Variants in CDH12 observed in about 807,000 individuals in gnomAD.
The protein encoded by CDH12 is cadherin-12.
CDH12 carries 41 observed loss-of-function variants against 74.1 expected under a neutral mutation model. That is an observed-to-expected ratio of 0.55 (90% CI 0.43 to 0.72). CDH12 has a LOEUF of 0.72. Ranked by LOEUF, CDH12 falls within the 30% of genes least tolerant of loss-of-function variation. The pLI is 0.00. For synonymous variants in CDH12, 399 were observed against 355.0 expected, an observed-to-expected ratio of 1.12 and a Z score of -1.39; for missense variants, 945 against 977.2, an observed-to-expected ratio of 0.97 and a Z score of 0.44.
intron 6 of CDH12, among the ~76,000 whole-genome samples, chr5:21,932,667 A>C (rs965002304): frequency 5.3e-5 from 8 of 151,992 alleles, no homozygotes; most frequent in Admixed American, 3.3e-4. Context: ...TTCGGAGGCC[A>C]AGGCAGGTGG....
intron 5 of CDH12, among the ~76,000 whole-genome samples, chr5:22,052,124 C>A (rs115861689): frequency 0.021 from 3,146 of 152,182 alleles, 96 homozygotes; most frequent in African/African-American, 0.071. Context: ...AGAGAGGAAA[C>A]AATGTGTGAA....
chr5:22,387,715 T>C (rs913184586), intron 3 of CDH12, among the ~76,000 whole-genome samples: 4 of 152,084 alleles, frequency 2.6e-5, no homozygotes, highest in African/African-American at 9.7e-5. Context: ...ATGGGAGAGA[T>C]GAGGATAGGA....
At chr5:21,942,966 G>T (rs184727465) in intron 6 of CDH12, among the ~76,000 whole-genome samples, 1 of 152,278 alleles carries the variant, frequency 6.6e-6, no homozygotes, top group East Asian at 1.9e-4. Flanking sequence ...GAGGGGCCTG[G>T]TGGGAGGTGA....
chr5:22,512,943 A>G (rs749258382), intron 1 of CDH12, among the ~76,000 whole-genome samples: 3 of 152,080 alleles, frequency 2.0e-5, no homozygotes, highest in Non-Finnish European at 2.9e-5. Flanking sequence ...GGTGCCGGTA[A>G]CCCAGGAGGG....
At chr5:22,796,968 CAA>C (rs1435240114) in intron 1 of CDH12, among the ~76,000 whole-genome samples, 1 of 151,954 alleles carries the variant, frequency 6.6e-6, no homozygotes, top group Non-Finnish European at 1.5e-5. Flanking sequence ...CAACACATTG[CAA>C]AGAGTTAATA....
chr5:22,322,840 C>T (rs529463906), intron 3 of CDH12, among the ~76,000 whole-genome samples: 4 of 152,264 alleles, frequency 2.6e-5, no homozygotes, highest in African/African-American at 9.6e-5. Flanking sequence ...CCTTGTACAA[C>T]TGCAAACTCA....
intron 2 of CDH12, among the ~76,000 whole-genome samples, chr5:22,438,170 T>C (rs1744482966): frequency 6.6e-6 from 1 of 152,060 alleles, no homozygotes; most frequent in Admixed American, 6.6e-5. Flanking sequence ...TCCAGAAACA[T>C]GAGGCCTGGT....
At chr5:22,700,225 C>T (rs547887034) in intron 1 of CDH12, among the ~76,000 whole-genome samples, 27 of 152,060 alleles carry the variant, frequency 1.8e-4, no homozygotes, top group Non-Finnish European at 3.7e-4. Context: ...TAAAACTCTC[C>T]AAGAGATACC....
At chr5:21,890,723 ACATGTTAGGAT>A (rs1752858942) in intron 6 of CDH12, among the ~76,000 whole-genome samples, 1 of 152,162 alleles carries the variant, frequency 6.6e-6, no homozygotes, top group East Asian at 1.9e-4. Flanking sequence ...TAAAGGACAA[ACATGTTAGGAT>A]TCTCTATATA....
chr5:22,529,453 G>GA (rs1358829532), intron 1 of CDH12, among the ~76,000 whole-genome samples: 2 of 151,404 alleles, frequency 1.3e-5, no homozygotes, highest in Non-Finnish European at 2.9e-5. Flanking sequence ...CCATTGGCAG[G>GA]AAAAAAAACA....
intron 4 of CDH12, among the ~76,000 whole-genome samples, chr5:22,146,341 A>G (rs1419966055): frequency 1.3e-5 from 2 of 152,084 alleles, no homozygotes; most frequent in Non-Finnish European, 2.9e-5. Context: ...GGTCATGAAA[A>G]CATTTTTGTT....
intron 1 of CDH12, among the ~76,000 whole-genome samples, chr5:22,655,442 T>A (rs1205063128): frequency 6.6e-6 from 1 of 152,244 alleles, no homozygotes; most frequent in African/African-American, 2.4e-5. Context: ...ATTTAATACA[T>A]GATTACTTCA....
intron 4 of CDH12, among the ~76,000 whole-genome samples, chr5:22,121,979 A>G (rs6414914): frequency 0.99 from 151,035 of 152,158 alleles, 74,973 homozygotes; most frequent in South Asian, 1. Flanking sequence ...CACTTTGACC[A>G]CCACAGATCC....
intron 3 of CDH12, among the ~76,000 whole-genome samples, chr5:22,245,669 A>C (rs999033278): frequency 3.3e-5 from 5 of 151,842 alleles, no homozygotes; most frequent in Non-Finnish European, 4.4e-5. Context: ...TACATATATC[A>C]TATATATTTA....
intron 3 of CDH12, among the ~76,000 whole-genome samples, chr5:22,249,509 T>C (rs1753065900): frequency 6.6e-6 from 1 of 152,200 alleles, no homozygotes; most frequent in Non-Finnish European, 1.5e-5. Context: ...GAAGAACATT[T>C]TGACACATCA....
intron 6 of CDH12, among the ~76,000 whole-genome samples, chr5:21,915,309 T>C (rs541163951): frequency 2.2e-3 from 333 of 152,154 alleles, no homozygotes; most frequent in Non-Finnish European, 3.5e-3. Flanking sequence ...GGTTTTTTAG[T>C]AGTATGTAGA....
chr5:21,910,970 T>C (rs1190273608), intron 6 of CDH12, among the ~76,000 whole-genome samples: 2 of 152,212 alleles, frequency 1.3e-5, no homozygotes, highest in Non-Finnish European at 2.9e-5. Flanking sequence ...TCTCTAGTGA[T>C]GTTTTTAAAG....
At chr5:21,814,284 A>T (rs1747923198) in intron 9 of CDH12, among the ~76,000 whole-genome samples, 1 of 152,008 alleles carries the variant, frequency 6.6e-6, no homozygotes, top group Admixed American at 6.6e-5. Flanking sequence ...TAATCCAGTT[A>T]AGAAGAATAA....
chr5:22,507,871 A>T (rs1032655907), intron 1 of CDH12, among the ~76,000 whole-genome samples: 1 of 152,150 alleles, frequency 6.6e-6, no homozygotes, highest in Admixed American at 6.5e-5. Flanking sequence ...TCTAGGGGAA[A>T]ATCCATTTCT....
Sources: allele counts gnomAD v4.1 joint callset (sites outside exome capture counted in the v4.1 genomes callset), GRCh38; gene constraint gnomAD v4.1.1; transcripts MANE v1.5; gene names NCBI Gene and HGNC (gene_info 2026-07-23, HGNC 2026-07-21).